Variants in GALNT16 observed in about 807,000 individuals in gnomAD.
The protein encoded by GALNT16 is polypeptide N-acetylgalactosaminyltransferase 16, also known as UDP-GalNAc:polypeptide N-acetylgalactosaminyltransferase-like protein 1.
In GALNT16, 40 loss-of-function variants were observed where a neutral mutation model predicts 76.1. That is an observed-to-expected ratio of 0.53 (90% CI 0.41 to 0.68). GALNT16 has a LOEUF of 0.68. GALNT16 is among the 30% of genes least tolerant of loss of function. GALNT16 has a pLI of 0.00. For synonymous variants in GALNT16, 276 were observed against 285.2 expected (o/e 0.97, Z 0.32); for missense variants, 621 against 731.9 (o/e 0.85, Z 1.75).
intron 1 of GALNT16, among the ~76,000 whole-genome samples, chr14:69,317,991 C>G (rs914985401): frequency 3.9e-5 from 6 of 152,182 alleles, no homozygotes; most frequent in Admixed American, 3.9e-4. Context: ...CTTCAGAGGT[C>G]ATGGAATTGT....
At chr14:69,341,553 C>A (rs2045485934) in intron 11 of GALNT16, 128 bp from the exon 12 acceptor site, 2 of 657,826 alleles carry the variant, frequency 3.0e-6, no homozygotes, top group Non-Finnish European at 5.5e-6. Flanking sequence ...CTGGACATGG[C>A]AGGCTGGAAG....
chr14:69,333,818 C>T lies in GALNT16; in HGVS notation c.967+218C>T. On this transcript the variant is annotated intron_variant, in intron 9 of 14. Coordinates refer to ENST00000448469, the MANE Select transcript of GALNT16 (RefSeq NM_001168368.2). This position sits in a 1 kb window ranked among gnomAD's most constrained non-coding sequence, Gnocchi z 4.2. ...AGAAGTTAAGCAATTTGTCCAGAGC[C>T]ACACAGCTAGTAAACAAAGAGGTTC... The T allele has an allele frequency of 1.9e-6, 1 of 525,360 alleles. No individual in the cohort carries two copies. Among genetic ancestry groups the T allele is most frequent in the Non-Finnish European group, 3.3e-6 (1 of 300,768 alleles). 32.5% of individuals were successfully genotyped at this position (525,360 alleles called of 1,614,324 possible). A position where few individuals can be genotyped will look rare whatever the true frequency, so the allele number is the denominator to read the frequency against.
chr14:69,376,014 CT>C, the GALNT16 span, among the ~76,000 whole-genome samples: 294 of 152,164 alleles, frequency 1.9e-3, 1 homozygote, highest in African/African-American at 6.7e-3. Flanking sequence ...CCATTTCCCC[CT>C]ATTGTCCTTT....
chr14:69,321,005 A>C (rs759777946), intron 2 of GALNT16, 137 bp downstream of exon 2: 3 of 892,116 alleles, frequency 3.4e-6, no homozygotes, highest in East Asian at 2.8e-5. Flanking sequence ...ACATTCAAAA[A>C]CCCTCACCCT....
chr14:69,366,986 G>A, the GALNT16 span, among the ~76,000 whole-genome samples: 5 of 152,168 alleles, frequency 3.3e-5, no homozygotes, highest in Non-Finnish European at 5.9e-5. Context: ...GGTGACGCCT[G>A]AATGGAGCCT....
intron 1 of GALNT16, among the ~76,000 whole-genome samples, chr14:69,285,079 C>A (rs990034672): frequency 1.8e-4 from 23 of 128,560 alleles, no homozygotes; most frequent in African/African-American, 6.5e-4. Context: ...GTCGCTCTTT[C>A]GCCCAGGCTG....
downstream of GALNT16, chr14:69,358,235 C>T (rs2045704739): frequency 1.3e-5 from 2 of 152,290 alleles, no homozygotes; most frequent in Non-Finnish European, 2.9e-5. Flanking sequence ...GCTCTAGGGC[C>T]ACCTCGATGG....
chr14:69,364,844 G>A, the GALNT16 span, among the ~76,000 whole-genome samples: 4 of 152,120 alleles, frequency 2.6e-5, no homozygotes, highest in African/African-American at 9.7e-5. This position sits in a 1 kb window ranked among gnomAD's most constrained non-coding sequence, Gnocchi z 4.2. Context: ...GCTGAGTGAT[G>A]GAACCCGCTT....
At chr14:69,324,642 C>A (rs769031037) in intron 2 of GALNT16, 50 bp from the exon 3 acceptor site, 5 of 1,019,770 alleles carry the variant, frequency 4.9e-6, no homozygotes, top group Admixed American at 2.0e-5. Flanking sequence ...CATTGACCTG[C>A]CCTGAGGATG....
At position 69,333,584 on chromosome 14, in the gene GALNT16, G is replaced by A. The variant is rs763017905; in HGVS notation, c.951G>A (p.Trp317Ter). 3.8e-6 allele frequency: 6 copies of A among 1,570,422 alleles called. No individual in the cohort carries two copies. Among genetic ancestry groups the A allele is most frequent in the Middle Eastern group, 1.7e-4 (1 of 6,012 alleles). The change falls in exon 9 of 15, where the codon TGG becomes TGA. Residue 317 changes from tryptophan to a stop codon, truncating the protein, a stop_gained. Transcript: ENST00000448469. LOFTEE classifies it high-confidence loss of function. This position sits in a 1 kb window ranked among gnomAD's most constrained non-coding sequence, Gnocchi z 4.2. ...AGTATGATGCCCAGATGGACATCTG[G>A]GGGGGAGAGAATTTTGGTGAGTTGG... ...LGKYDAQMDI[W>*]GGENFELSFR... is the part of the protein sequence containing the mutation.
At chr14:69,307,570 T>C (rs1312695622) in intron 1 of GALNT16, among the ~76,000 whole-genome samples, 2 of 152,114 alleles carry the variant, frequency 1.3e-5, no homozygotes, top group African/African-American at 4.8e-5. Context: ...GCAGTACCAT[T>C]ACCTCCTTTC....
At chr14:69,260,110 G>T (rs1254778255), upstream of GALNT16, 5 of 520,586 alleles carry the variant, frequency 9.6e-6, no homozygotes, top group Admixed American at 1.6e-4. Flanking sequence ...CGTGAGGATC[G>T]CTCCGCGATC....
chr14:69,339,215 G>T (rs2045453172), intron 10 of GALNT16, among the ~76,000 whole-genome samples: 1 of 152,162 alleles, frequency 6.6e-6, no homozygotes, highest in Non-Finnish European at 1.5e-5. Flanking sequence ...TCCTGAGGAG[G>T]TTGGCAGGGG....
rs2045574205 is a variant in GALNT16, at chr14:69,347,042, TC to T, written c.1278del (p.Val427Ter). 6.2e-7 allele frequency: 1 copy of T among 1,613,798 alleles called. No homozygotes were observed. The highest frequency in any genetic ancestry group is 8.5e-7 in the Non-Finnish European group (1 of 1,179,958). ...CTGACTGCTGCCTTTTCTCTCAGGGTCCCCGTGAAGGAAGCACTCCCCGGCA... is the reference window on the plus strand; with the variant it reads ...CTGACTGCTGCCTTTTCTCTCAGGGTCCCGTGAAGGAAGCACTCCCCGGCA... ...YLENVYPELTVPVKEALPGII... is the reference protein window; with the variant it reads ...YLENVYPELTXPVKEALPGII... On this transcript the variant is annotated frameshift_variant, in exon 13 of 15. Coordinates refer to ENST00000448469, the MANE Select transcript of GALNT16 (RefSeq NM_001168368.2). LOFTEE classifies it high-confidence loss of function.
chr14:69,321,525 C>G (rs1255096082), intron 2 of GALNT16, among the ~76,000 whole-genome samples: 3 of 152,188 alleles, frequency 2.0e-5, no homozygotes, highest in African/African-American at 7.2e-5. Context: ...GTCACCTGCA[C>G]GAACAGTCTG....
intron 1 of GALNT16, among the ~76,000 whole-genome samples, chr14:69,267,195 C>T (rs1352186204): frequency 6.6e-6 from 1 of 152,204 alleles, no homozygotes; most frequent in Non-Finnish European, 1.5e-5. Flanking sequence ...TGCCTGTCTC[C>T]CCACACCCCT....
At chr14:69,329,455 C>T (rs1414864672) in intron 6 of GALNT16, among the ~76,000 whole-genome samples, 1 of 152,140 alleles carries the variant, frequency 6.6e-6, no homozygotes, top group Non-Finnish European at 1.5e-5. Flanking sequence ...CATCATTAGT[C>T]ATTAGGGAAG....
At chr14:69,300,320 A>G (rs1209615300) in intron 1 of GALNT16, among the ~76,000 whole-genome samples, 2 of 152,196 alleles carry the variant, frequency 1.3e-5, no homozygotes, top group African/African-American at 2.4e-5. Context: ...ATATTCACAA[A>G]TATGCAGACC....
At position 69,353,285 on chromosome 14, in the gene GALNT16, T is replaced by C. The variant is rs2045661642; in HGVS notation, c.*1117T>C. 1 of 151,838 alleles carries C rather than the reference T, an allele frequency of 6.6e-6. No individual in the cohort carries two copies. The highest frequency in any genetic ancestry group is 1.5e-5 in the Non-Finnish European group (1 of 67,986). 9.4% of individuals were successfully genotyped at this position (151,838 alleles called of 1,614,324 possible). A position where few individuals can be genotyped will look rare whatever the true frequency, so the allele number is the denominator to read the frequency against. On this transcript the variant is annotated 3_prime_UTR_variant, in exon 15 of 15. Coordinates refer to ENST00000448469, the MANE Select transcript of GALNT16 (RefSeq NM_001168368.2). Reference sequence around the variant, plus strand: ...TTCCCCTCCCCGCTACAGGAGCCCCTAAGTCATTAGGGCTCAACCTCACCC... The same window carrying C: ...TTCCCCTCCCCGCTACAGGAGCCCCCAAGTCATTAGGGCTCAACCTCACCC...
Sources: allele counts gnomAD v4.1 joint callset (sites outside exome capture counted in the v4.1 genomes callset), GRCh38; gene constraint gnomAD v4.1.1; non-coding constraint Gnocchi (gnomAD v3.1); transcripts MANE v1.5; gene names NCBI Gene and HGNC (gene_info 2026-07-23, HGNC 2026-07-21).